HSD17B2: variants seen among roughly 807,000 people sequenced by gnomAD.
HSD17B2 encodes 17-beta-hydroxysteroid dehydrogenase type 2.
Under a neutral mutation model 26.9 loss-of-function variants are expected in HSD17B2, and 32 were observed. The observed-to-expected ratio is 1.19, with a 90% confidence interval of 0.90 to 1.60. The LOEUF is 1.60. HSD17B2 is among the 40% of genes most tolerant of loss of function. HSD17B2 has a pLI of 0.00. For synonymous variants in HSD17B2, 246 were observed against 186.7 expected, an observed-to-expected ratio of 1.32 and a Z score of -2.59; for missense variants, 613 against 468.6, an observed-to-expected ratio of 1.31 and a Z score of -2.85.
chr16:82,075,171 C>T (rs1307360927), intron 3 of HSD17B2, among the ~76,000 whole-genome samples: 1 of 151,438 alleles, frequency 6.6e-6, no homozygotes, highest in Non-Finnish European at 1.5e-5. Flanking sequence ...TCAAACATAC[C>T]AAAACCCATG....
chr16:82,071,603 G>C (rs780177136), intron 3 of HSD17B2: 1 of 265,432 alleles, frequency 3.8e-6, no homozygotes, highest in Non-Finnish European at 7.3e-6. Context: ...GTGTTGAGCA[G>C]CCTCAATCCA....
rs8055526 is a variant in HSD17B2, at chr16:82,073,549, A to G, written c.664+2422A>G. Among the ~76,000 whole-genome samples the G allele has an allele frequency of 2.7e-3, 411 of 152,234 alleles. 4 individuals carry two copies. The highest frequency in any genetic ancestry group is 9.5e-3 in the African/African-American group (394 of 41,522). ...TTGTGCAAATTCATTACACCCAGCT[A>G]TGTCCATCTATTTTCTTAAGATCAT... On this transcript the variant is annotated intron_variant, in intron 3 of 4. Transcript: ENST00000199936.
chr16:82,085,867 A>G (rs2142362932), intron 3 of HSD17B2, among the ~76,000 whole-genome samples: 1 of 152,314 alleles, frequency 6.6e-6, no homozygotes, highest in East Asian at 1.9e-4. Flanking sequence ...GCTAGAAATC[A>G]AAACCTCAAT....
At chr16:82,072,842 G>C (rs957230916) in intron 3 of HSD17B2, among the ~76,000 whole-genome samples, 1 of 152,200 alleles carries the variant, frequency 6.6e-6, no homozygotes, top group African/African-American at 2.4e-5. Flanking sequence ...GATTACTTCA[G>C]CCCAGGAGTT....
intron 3 of HSD17B2, among the ~76,000 whole-genome samples, chr16:82,075,691 C>G (rs1288546655): frequency 6.6e-6 from 1 of 152,000 alleles, no homozygotes; most frequent in Non-Finnish European, 1.5e-5. Context: ...CTGAATGGAT[C>G]AATAACAAGT....
chr16:82,069,314 T>C (rs1310630865), intron 2 of HSD17B2, among the ~76,000 whole-genome samples: 1 of 152,266 alleles, frequency 6.6e-6, no homozygotes, highest in African/African-American at 2.4e-5. Context: ...CAGTCTATCA[T>C]TGATGGGCAT....
In HSD17B2 at chr16:82,098,244, C is replaced by T. The variant is rs772310785; in HGVS notation, c.972C>T (p.Asp324=). 3.3e-5 allele frequency: 54 copies of T among 1,614,124 alleles called. No homozygotes were observed. Among genetic ancestry groups the T allele is most frequent in the Non-Finnish European group, 4.4e-5 (52 of 1,180,038 alleles). The change falls in exon 5 of 5, where the codon GAC becomes GAT. Residue 324 remains aspartate (D), a synonymous_variant. Coordinates refer to ENST00000199936, the MANE Select transcript of HSD17B2 (RefSeq NM_002153.3). ...ASKDFSPVLR[D]IQHAILAKSP... Reference sequence around the variant, plus strand: ...AGGACTTCTCTCCGGTGCTGCGGGACATCCAGCATGCTATCTTGGCGAAGA... The same window carrying T: ...AGGACTTCTCTCCGGTGCTGCGGGATATCCAGCATGCTATCTTGGCGAAGA...
intron 3 of HSD17B2, among the ~76,000 whole-genome samples, chr16:82,082,129 C>G (rs955632340): frequency 6.6e-6 from 1 of 152,182 alleles, no homozygotes; most frequent in Admixed American, 6.5e-5. Context: ...CCTCATTAAC[C>G]CATTAAAGTT....
intron 1 of HSD17B2, among the ~76,000 whole-genome samples, chr16:82,067,272 T>C (rs1358085321): frequency 1.3e-5 from 2 of 152,254 alleles, no homozygotes; most frequent in African/African-American, 2.4e-5. Flanking sequence ...ACACAGGCAA[T>C]GTGAAATACT....
chr16:82,090,289 C>A, intron 3 of HSD17B2: 2 of 145,178 alleles, frequency 1.4e-5, no homozygotes, highest in African/African-American at 2.9e-5. Context: ...CTTCATCTTA[C>A]CTAAACTACA....
chr16:82,048,699 GC>G (rs1914011563), intron 1 of HSD17B2, among the ~76,000 whole-genome samples: 1 of 152,192 alleles, frequency 6.6e-6, no homozygotes, highest in Non-Finnish European at 1.5e-5. Context: ...AGACATCGCA[GC>G]TTTTGTTCTA....
intron 3 of HSD17B2, among the ~76,000 whole-genome samples, chr16:82,079,149 TACACCAAC>T (rs1904322981): frequency 6.6e-6 from 1 of 152,074 alleles, no homozygotes; most frequent in Non-Finnish European, 1.5e-5. Context: ...CATAAATATA[TACACCAAC>T]TATGTTCCCA....
In HSD17B2 at chr16:82,098,152, G is replaced by A. The variant is rs374693668; in HGVS notation, c.880G>A (p.Asp294Asn). ...LDHLPAEVQE[D>N]YGQDYILAQR... is the part of the protein sequence containing the mutation. ...CCACCTCCCCGCTGAGGTACAGGAA[G>A]ACTACGGCCAGGACTACATCTTAGC... Residue 294 changes from aspartate to asparagine, a missense_variant, in exon 5 of 5, where the codon GAC becomes AAC. By Grantham distance (23) the Asp-to-Asn change is conservative (BLOSUM62 1). Transcript: ENST00000199936. 9.3e-6 allele frequency: 15 copies of A among 1,613,984 alleles called. No individual in the cohort carries two copies. The highest frequency in any genetic ancestry group is 6.6e-5 in the South Asian group (6 of 91,076).
chr16:82,041,163 C>A (rs569691330), intron 1 of HSD17B2, among the ~76,000 whole-genome samples: 1 of 152,146 alleles, frequency 6.6e-6, no homozygotes, highest in African/African-American at 2.4e-5. Context: ...ATACTGCAAG[C>A]GGCTTGAAGG....
intron 1 of HSD17B2, among the ~76,000 whole-genome samples, chr16:82,054,587 C>T (rs142324611): frequency 1.6e-4 from 24 of 152,280 alleles, no homozygotes; most frequent in African/African-American, 4.6e-4. Context: ...TCAAGTTATC[C>T]ACCTGCCCCA....
At chr16:82,076,496 C>T (rs774298551) in intron 3 of HSD17B2, among the ~76,000 whole-genome samples, 17 of 152,242 alleles carry the variant, frequency 1.1e-4, no homozygotes, top group Non-Finnish European at 2.1e-4. Context: ...AAACTAAAGA[C>T]TCCATCAAAA....
intron 4 of HSD17B2, chr16:82,096,087 T>C (rs1178539276): frequency 1.3e-5 from 2 of 152,194 alleles, no homozygotes; most frequent in East Asian, 1.9e-4. Context: ...TTTAAAAATA[T>C]ATTTATACTT....
At chr16:82,036,363 T>TG (rs1567574829) in intron 1 of HSD17B2, among the ~76,000 whole-genome samples, 1 of 145,606 alleles carries the variant, frequency 6.9e-6, no homozygotes, top group African/African-American at 2.5e-5. Context: ...TGTGTGTGTG[T>TG]TTCCCCATTG....
chr16:82,057,277 C>T (rs1914298888), intron 1 of HSD17B2, among the ~76,000 whole-genome samples: 1 of 151,872 alleles, frequency 6.6e-6, no homozygotes, highest in Admixed American at 6.6e-5. Context: ...CGGCTCACTG[C>T]AAGCTCCGCC....
Sources: gnomAD v4.1 joint callset for allele counts (sites outside exome capture counted in the v4.1 genomes callset) on GRCh38, gnomAD v4.1.1 for gene constraint, MANE v1.5 for transcripts, NCBI Gene and HGNC (gene_info 2026-07-23, HGNC 2026-07-21) for gene names.